The following HMG20A variants were observed in gnomAD, a reference collection of about 807,000 sequenced individuals.
HMG20A encodes high mobility group protein 20A.
HMG20A carries 17 observed loss-of-function variants against 43.9 expected under a neutral mutation model. That is an observed-to-expected ratio of 0.39 (90% CI 0.27 to 0.58). The LOEUF (loss-of-function observed/expected upper bound fraction) is 0.58, where lower values mean the gene tolerates loss of function less well. Among genes scored for constraint, HMG20A ranks in the 20% least tolerant of loss-of-function variants. The probability of loss-of-function intolerance (pLI) is 0.59; values close to 1 mark genes in which losing one functional copy is unlikely to be tolerated. For synonymous variants in HMG20A, 132 were observed against 147.5 expected, an observed-to-expected ratio of 0.89 and a Z score of 0.76; for missense variants, 341 against 438.2, an observed-to-expected ratio of 0.78 and a Z score of 1.98.
chr15:77,468,811 A>G (rs754398790), intron 4 of HMG20A, among the ~76,000 whole-genome samples: 11 of 152,156 alleles, frequency 7.2e-5, no homozygotes, highest in Non-Finnish European at 1.2e-4. Flanking sequence ...TCTGTCATCT[A>G]TATGTTGACT....
At chr15:77,441,910 GA>G (rs2073617015) in intron 1 of HMG20A, among the ~76,000 whole-genome samples, 1 of 152,148 alleles carries the variant, frequency 6.6e-6, no homozygotes, top group South Asian at 2.1e-4. Flanking sequence ...ATATTGTAAT[GA>G]TGAGCTTGAG....
At chr15:77,515,961 C>A in the HMG20A span, among the ~76,000 whole-genome samples, 55 of 152,248 alleles carry the variant, frequency 3.6e-4, no homozygotes, top group African/African-American at 1.3e-3. Flanking sequence ...CCTCCAGGGG[C>A]CCTTAGTCTC....
intron 1 of HMG20A, among the ~76,000 whole-genome samples, chr15:77,449,645 A>C (rs749397392): frequency 6.6e-6 from 1 of 152,186 alleles, no homozygotes; most frequent in Non-Finnish European, 1.5e-5. Context: ...AAAATGAATG[A>C]ATGTTATATT....
chr15:77,487,496 G>A (rs78198436), downstream of HMG20A, among the ~76,000 whole-genome samples: 1,106 of 152,256 alleles, frequency 7.3e-3, 15 homozygotes, highest in African/African-American at 0.025. Context: ...CCAAAAACTG[G>A]CTTCCATCTG....
chr15:77,443,491 A>C (rs1331924543), intron 1 of HMG20A, among the ~76,000 whole-genome samples: 1 of 146,662 alleles, frequency 6.8e-6, no homozygotes, highest in African/African-American at 2.5e-5. Context: ...TCCTGGGTTC[A>C]AGCTATTCTC....
intron 2 of HMG20A, among the ~76,000 whole-genome samples, chr15:77,461,241 C>T (rs2072702189): frequency 6.6e-6 from 1 of 152,094 alleles, no homozygotes; most frequent in Non-Finnish European, 1.5e-5. Flanking sequence ...GTTATAAGCA[C>T]ATATCTCCTT....
At chr15:77,435,677 A>G (rs1354789323) in intron 1 of HMG20A, among the ~76,000 whole-genome samples, 4 of 152,122 alleles carry the variant, frequency 2.6e-5, no homozygotes, top group Non-Finnish European at 5.9e-5. Flanking sequence ...TACATTCCCT[A>G]TACACAAACC....
chr15:77,486,307 C>G (rs1174171052), downstream of HMG20A, among the ~76,000 whole-genome samples: 1 of 150,278 alleles, frequency 6.7e-6, no homozygotes, highest in Non-Finnish European at 1.5e-5. Context: ...GTTGCCCAGC[C>G]TGGAGTGCAG....
intron 3 of HMG20A, among the ~76,000 whole-genome samples, chr15:77,465,894 G>T (rs1350988373): frequency 1.3e-5 from 2 of 152,124 alleles, no homozygotes; most frequent in Non-Finnish European, 2.9e-5. Context: ...AATATTAACT[G>T]ATACGGCTGT....
At chr15:77,437,712 C>T (rs779766789) in intron 1 of HMG20A, among the ~76,000 whole-genome samples, 3 of 152,008 alleles carry the variant, frequency 2.0e-5, no homozygotes, top group Non-Finnish European at 4.4e-5. Context: ...GCTGGGATTA[C>T]AGGCATGCGC....
At chr15:77,507,385 G>A in the HMG20A span, among the ~76,000 whole-genome samples, 6 of 152,190 alleles carry the variant, frequency 3.9e-5, no homozygotes, top group Non-Finnish European at 8.8e-5. Context: ...AGCAGTCAAA[G>A]GACAGGTCTC....
chr15:77,516,318 T>C, the HMG20A span, among the ~76,000 whole-genome samples: 763 of 152,106 alleles, frequency 5.0e-3, 6 homozygotes, highest in African/African-American at 0.017. Context: ...ACAGTTAAGA[T>C]AGTTATTTGA....
At chr15:77,502,700 G>T in the HMG20A span, among the ~76,000 whole-genome samples, 2 of 152,152 alleles carry the variant, frequency 1.3e-5, no homozygotes, top group Non-Finnish European at 2.9e-5. Flanking sequence ...AGGTTCAATG[G>T]CTTATACCTG....
chr15:77,506,044 A>AC, the HMG20A span, among the ~76,000 whole-genome samples: 11 of 113,932 alleles, frequency 9.7e-5, no homozygotes, highest in East Asian at 2.5e-4. Flanking sequence ...TAGGATTTCT[A>AC]CCCCCCCACC....
chr15:77,429,219 GT>G (rs200872703), intron 1 of HMG20A, among the ~76,000 whole-genome samples: 2 of 150,464 alleles, frequency 1.3e-5, no homozygotes, highest in Non-Finnish European at 3.0e-5. Flanking sequence ...GGGTTTTTTT[GT>G]TTTTTTTGTT....
intron 1 of HMG20A, among the ~76,000 whole-genome samples, chr15:77,456,618 A>G (rs1193098118): frequency 6.9e-6 from 1 of 144,766 alleles, no homozygotes; most frequent in African/African-American, 2.6e-5. Flanking sequence ...AGGCGTGGGC[A>G]ACAGAGCGAG....
chr15:77,497,448 G>A, the HMG20A span, among the ~76,000 whole-genome samples: 1 of 152,212 alleles, frequency 6.6e-6, no homozygotes, highest in Non-Finnish European at 1.5e-5. Context: ...GCTTCCAGCC[G>A]AGTGGAAGCT....
the HMG20A span, among the ~76,000 whole-genome samples, chr15:77,512,383 G>A: frequency 1.3e-5 from 2 of 152,106 alleles, no homozygotes; most frequent in African/African-American, 4.8e-5. Flanking sequence ...GTACACTAAA[G>A]CTGTTAAGAT....
chr15:77,505,535 C>A, the HMG20A span, among the ~76,000 whole-genome samples: 2 of 152,206 alleles, frequency 1.3e-5, no homozygotes, highest in African/African-American at 2.4e-5. Context: ...GCAGGAGAAC[C>A]AGCAGGACAC....
Sources: allele counts gnomAD v4.1 joint callset (sites outside exome capture counted in the v4.1 genomes callset), GRCh38; gene constraint gnomAD v4.1.1; transcripts MANE v1.5; gene names NCBI Gene and HGNC (gene_info 2026-07-23, HGNC 2026-07-21).